TMPRSS11A: variants seen among roughly 807,000 people sequenced by gnomAD.
TMPRSS11A encodes the protein transmembrane protease serine 11A.
In TMPRSS11A, 53 loss-of-function variants were observed where a neutral mutation model predicts 58.9. That is an observed-to-expected ratio of 0.90 (90% CI 0.72 to 1.13). TMPRSS11A has a LOEUF of 1.13. Among genes scored for constraint, TMPRSS11A ranks in the 50% most tolerant of loss-of-function variants. TMPRSS11A has a pLI of 0.00. For synonymous variants in TMPRSS11A, 167 were observed against 169.8 expected (o/e 0.98, Z 0.13); for missense variants, 493 against 499.3 (o/e 0.99, Z 0.12).
intron 1 of TMPRSS11A, among the ~76,000 whole-genome samples, chr4:67,960,229 G>C (rs965188810): frequency 6.6e-6 from 1 of 152,102 alleles, no homozygotes; most frequent in African/African-American, 2.4e-5. Context: ...CACTACCTGG[G>C]TGCAATATAT....
intron 3 of TMPRSS11A, among the ~76,000 whole-genome samples, chr4:67,940,189 A>G (rs1175754661): frequency 6.6e-6 from 1 of 152,076 alleles, no homozygotes; most frequent in Non-Finnish European, 1.5e-5. Flanking sequence ...ATTGGCCTGT[A>G]ATTTTCTTTT....
intron 7 of TMPRSS11A, among the ~76,000 whole-genome samples, chr4:67,922,304 C>T (rs930731875): frequency 2.6e-5 from 4 of 152,190 alleles, no homozygotes; most frequent in Admixed American, 6.5e-5. Context: ...TCCATCATCA[C>T]GGTTACCAAC....
chr4:67,962,216 G>A (rs1280619790), intron 1 of TMPRSS11A, among the ~76,000 whole-genome samples: 2 of 152,072 alleles, frequency 1.3e-5, no homozygotes, highest in African/African-American at 2.4e-5. Flanking sequence ...TTGAAGCATT[G>A]AAGACCCTTT....
intron 7 of TMPRSS11A, among the ~76,000 whole-genome samples, chr4:67,919,887 G>A (rs968956766): frequency 2.6e-5 from 4 of 152,102 alleles, no homozygotes; most frequent in African/African-American, 9.7e-5. Flanking sequence ...GGTAAGCAGG[G>A]ACTAGATTTT....
At chr4:67,933,624 T>C (rs1720682507) in intron 3 of TMPRSS11A, among the ~76,000 whole-genome samples, 1 of 152,188 alleles carries the variant, frequency 6.6e-6, no homozygotes, top group South Asian at 2.1e-4. Flanking sequence ...CCCATTTAGC[T>C]GAGGTGGTGT....
intron 3 of TMPRSS11A, among the ~76,000 whole-genome samples, chr4:67,943,012 T>G (rs946231239): frequency 6.9e-6 from 1 of 145,734 alleles, no homozygotes; most frequent in African/African-American, 2.6e-5. Flanking sequence ...GAATACCACA[T>G]GAAACATAGA....
intron 3 of TMPRSS11A, among the ~76,000 whole-genome samples, chr4:67,944,267 G>C (rs1293356819): frequency 1.3e-5 from 2 of 152,018 alleles, no homozygotes; most frequent in African/African-American, 4.8e-5. Context: ...CTTTAAATAA[G>C]GTAGCTGAGT....
chr4:67,958,749 C>G (rs1306844817), intron 1 of TMPRSS11A, among the ~76,000 whole-genome samples: 2 of 152,020 alleles, frequency 1.3e-5, no homozygotes, highest in African/African-American at 4.8e-5. Flanking sequence ...GGGCCAGGGG[C>G]AAAATGATAT....
At chr4:67,922,003 C>A (rs918077946) in intron 7 of TMPRSS11A, among the ~76,000 whole-genome samples, 1 of 152,132 alleles carries the variant, frequency 6.6e-6, no homozygotes, top group Admixed American at 6.5e-5. Context: ...TATAAAAAGT[C>A]ATTTAATCAT....
intron 4 of TMPRSS11A, 105 bp from the exon 5 acceptor site, chr4:67,930,145 G>A (rs1720574862): frequency 9.7e-7 from 1 of 1,027,636 alleles, no homozygotes; most frequent in East Asian, 2.4e-5. Flanking sequence ...GTTGCTGAGA[G>A]TGTCAAGTGC....
chr4:67,933,301 G>T (rs546175646), intron 3 of TMPRSS11A, among the ~76,000 whole-genome samples: 3 of 152,244 alleles, frequency 2.0e-5, no homozygotes, highest in African/African-American at 7.2e-5. Context: ...TGACTCAGAG[G>T]CATTATGTGA....
chr4:67,944,662 A>C (rs1361690823), intron 2 of TMPRSS11A, 25 bp from the exon 3 acceptor site: 6 of 1,600,174 alleles, frequency 3.7e-6, no homozygotes, highest in Non-Finnish European at 5.1e-6. Flanking sequence ...AAAAATAGGA[A>C]ACTAAATGGT....
intron 3 of TMPRSS11A, among the ~76,000 whole-genome samples, chr4:67,937,826 A>T (rs1178321269): frequency 6.6e-6 from 1 of 152,090 alleles, no homozygotes; most frequent in Non-Finnish European, 1.5e-5. Context: ...ATCTAGGTTG[A>T]TTCCACATCT....
At chr4:67,925,457 C>T (rs1720442478) in intron 5 of TMPRSS11A, among the ~76,000 whole-genome samples, 1 of 152,190 alleles carries the variant, frequency 6.6e-6, no homozygotes, top group African/African-American at 2.4e-5. Flanking sequence ...TTCTATTCCT[C>T]ATTATACAAA....
At chr4:67,918,079 G>C (rs992586048) in intron 8 of TMPRSS11A, among the ~76,000 whole-genome samples, 1 of 152,190 alleles carries the variant, frequency 6.6e-6, no homozygotes, top group African/African-American at 2.4e-5. Flanking sequence ...CTTAATGGTA[G>C]ACTGAGAATC....
At chr4:67,917,371 T>C (rs1453243941) in intron 8 of TMPRSS11A, among the ~76,000 whole-genome samples, 1 of 152,342 alleles carries the variant, frequency 6.6e-6, no homozygotes, top group African/African-American at 2.4e-5. Context: ...TATTTACATA[T>C]GTTTTTTAAT....
intron 8 of TMPRSS11A, 81 bp downstream of exon 8, chr4:67,918,892 G>A: frequency 2.0e-6 from 3 of 1,499,520 alleles, no homozygotes; most frequent in Admixed American, 1.8e-5. Context: ...GGAAATGGCT[G>A]TCAGGATAAT....
At chr4:67,929,628 A>G (rs1300977166) in intron 5 of TMPRSS11A, among the ~76,000 whole-genome samples, 1 of 152,224 alleles carries the variant, frequency 6.6e-6, no homozygotes, top group East Asian at 1.9e-4. Context: ...ACTCTCTGTT[A>G]GTTGTAAATG....
chr4:67,926,813 G>A (rs1040152777), intron 5 of TMPRSS11A, among the ~76,000 whole-genome samples: 1 of 152,198 alleles, frequency 6.6e-6, no homozygotes, highest in Non-Finnish European at 1.5e-5. Flanking sequence ...GGGCAGAGAG[G>A]TGCTGGAGGC....
Sources: gnomAD v4.1 joint callset for allele counts (sites outside exome capture counted in the v4.1 genomes callset) on GRCh38, gnomAD v4.1.1 for gene constraint, MANE v1.5 for transcripts, NCBI Gene and HGNC (gene_info 2026-07-23, HGNC 2026-07-21) for gene names.